The following STX8 variants were observed in gnomAD, a reference collection of about 807,000 sequenced individuals.
The protein encoded by STX8 is syntaxin 8, also known as syntaxin-8.
In STX8, 23 loss-of-function variants were observed where a neutral mutation model predicts 37.5. That is an observed-to-expected ratio of 0.61 (90% CI 0.44 to 0.87). STX8 has a LOEUF of 0.87. Ranked by LOEUF, STX8 falls within the 40% of genes least tolerant of loss-of-function variation. STX8 has a pLI of 0.00. For missense variants in STX8, 313 were observed against 284.7 expected (o/e 1.10, Z -0.71); for synonymous variants, 115 against 99.1 (o/e 1.16, Z -0.95).
chr17:9,369,221 A>G (rs893704907), intron 7 of STX8, among the ~76,000 whole-genome samples: 1 of 152,340 alleles, frequency 6.6e-6, no homozygotes, highest in East Asian at 1.9e-4. Flanking sequence ...GAAGGCAGAT[A>G]GGCACTGATG....
At chr17:9,323,997 T>C (rs1360978043) in intron 7 of STX8, among the ~76,000 whole-genome samples, 1 of 152,064 alleles carries the variant, frequency 6.6e-6, no homozygotes, top group Non-Finnish European at 1.5e-5. Context: ...TATTTGTGGA[T>C]CTGACATCAT....
intron 7 of STX8, among the ~76,000 whole-genome samples, chr17:9,300,672 T>C (rs1311279753): frequency 2.6e-5 from 4 of 152,140 alleles, no homozygotes; most frequent in Non-Finnish European, 4.4e-5. Flanking sequence ...AGTTTTTCAG[T>C]TGATTCTCTT....
chr17:9,487,699 G>C (rs888685280), intron 6 of STX8, among the ~76,000 whole-genome samples: 1 of 152,080 alleles, frequency 6.6e-6, no homozygotes, highest in African/African-American at 2.4e-5. Context: ...TAGCCACCCG[G>C]GTATGAGATG....
intron 4 of STX8, among the ~76,000 whole-genome samples, chr17:9,513,313 C>CAAAAAAAAAAAA (rs35228175): frequency 1.3e-5 from 1 of 78,022 alleles, no homozygotes; most frequent in African/African-American, 4.7e-5. Flanking sequence ...ACTCTATTTC[C>CAAAAAAAAAAAA]AAAAAAAAAA....
At chr17:9,460,545 C>T (rs1230653386) in intron 6 of STX8, among the ~76,000 whole-genome samples, 5 of 151,726 alleles carry the variant, frequency 3.3e-5, no homozygotes, top group South Asian at 4.2e-4. Context: ...TGGTGGTGGG[C>T]GCCTGTAGTC....
chr17:9,535,424 CTTTTT>C (rs35962202), intron 4 of STX8, among the ~76,000 whole-genome samples: 232 of 51,548 alleles, frequency 4.5e-3, no homozygotes, highest in South Asian at 9.3e-3. Context: ...AGCCATCCTA[CTTTTT>C]TTTTTTTTTT....
intron 6 of STX8, among the ~76,000 whole-genome samples, chr17:9,407,349 G>A (rs1044394905): frequency 4.6e-5 from 7 of 152,098 alleles, no homozygotes; most frequent in Admixed American, 4.6e-4. Flanking sequence ...ATTTTACAAA[G>A]AATAGGAGGG....
chr17:9,392,369 G>C (rs1353032255), intron 6 of STX8, among the ~76,000 whole-genome samples: 4 of 152,176 alleles, frequency 2.6e-5, no homozygotes, highest in Non-Finnish European at 5.9e-5. Flanking sequence ...GCATTTTTGG[G>C]AGCTGAATCG....
intron 7 of STX8, among the ~76,000 whole-genome samples, chr17:9,326,386 C>T (rs1372545806): frequency 2.0e-5 from 3 of 152,100 alleles, no homozygotes; most frequent in East Asian, 1.9e-4. Context: ...CCTCCCAAAG[C>T]GCCAGGATGA....
At chr17:9,548,519 A>T (rs1327488996) in intron 3 of STX8, 1 of 152,210 alleles carries the variant, frequency 6.6e-6, no homozygotes, top group Non-Finnish European at 1.5e-5. Flanking sequence ...TCTTCCTCAG[A>T]TACAGTCCTA....
chr17:9,560,703 C>A (rs996787685), intron 2 of STX8, among the ~76,000 whole-genome samples: 1 of 149,210 alleles, frequency 6.7e-6, no homozygotes, highest in Non-Finnish European at 1.5e-5. Context: ...ATTTGGAATT[C>A]TTTTATTGCA....
intron 4 of STX8, among the ~76,000 whole-genome samples, chr17:9,524,144 T>C (rs1388459849): frequency 6.6e-6 from 1 of 152,140 alleles, no homozygotes; most frequent in Non-Finnish European, 1.5e-5. Flanking sequence ...GATATGGAAA[T>C]TACTGTTCTA....
intron 7 of STX8, among the ~76,000 whole-genome samples, chr17:9,374,802 A>G (rs1014688376): frequency 1.3e-5 from 2 of 152,058 alleles, no homozygotes; most frequent in African/African-American, 4.8e-5. Flanking sequence ...GGTGGCTCAC[A>G]CCCGTAATCC....
chr17:9,496,075 CTT>C (rs10556314), intron 5 of STX8, among the ~76,000 whole-genome samples: 67,983 of 137,598 alleles, frequency 0.49, 17,057 homozygotes, highest in African/African-American at 0.62. Flanking sequence ...TTTTCTTTCT[CTT>C]TTTTTTTTTT....
At chr17:9,262,513 A>G (rs1398693805) in intron 7 of STX8, among the ~76,000 whole-genome samples, 1 of 151,860 alleles carries the variant, frequency 6.6e-6, no homozygotes, top group East Asian at 1.9e-4. Flanking sequence ...ATAACTCAAC[A>G]TCACTCAAAT....
intron 7 of STX8, among the ~76,000 whole-genome samples, chr17:9,319,288 G>A (rs763749098): frequency 3.3e-5 from 5 of 151,898 alleles, no homozygotes; most frequent in African/African-American, 7.3e-5. Context: ...GTGTGGTGGC[G>A]GGTGCCTGTA....
chr17:9,331,583 A>G (rs969327092), intron 7 of STX8, among the ~76,000 whole-genome samples: 2 of 152,214 alleles, frequency 1.3e-5, no homozygotes, highest in African/African-American at 4.8e-5. Flanking sequence ...GTTCAAAAAT[A>G]AAAGTGCGTT....
chr17:9,361,578 A>G (rs988972223), intron 7 of STX8, among the ~76,000 whole-genome samples: 33 of 152,394 alleles, frequency 2.2e-4, no homozygotes, highest in Admixed American at 7.8e-4. Flanking sequence ...TGCTTTGTAC[A>G]GAATTACTAA....
chr17:9,517,369 CATAA>C (rs1905185412), intron 4 of STX8, among the ~76,000 whole-genome samples: 1 of 152,130 alleles, frequency 6.6e-6, no homozygotes, highest in Non-Finnish European at 1.5e-5. Context: ...CAGCAAAACC[CATAA>C]ATAAATGAAT....
Sources: allele counts gnomAD v4.1 joint callset (sites outside exome capture counted in the v4.1 genomes callset), GRCh38; gene constraint gnomAD v4.1.1; transcripts MANE v1.5; gene names NCBI Gene and HGNC (gene_info 2026-07-23, HGNC 2026-07-21).